The following UMAD1 variants were observed in gnomAD, a reference collection of about 807,000 sequenced individuals.
UMAD1 encodes UBAP1-MVB12-associated (UMA) domain containing 1.
A neutral mutation model predicts 6.1 loss-of-function variants in UMAD1; 8 were observed. That is an observed-to-expected ratio of 1.30 (90% CI 0.76 to 2.35). The LOEUF (loss-of-function observed/expected upper bound fraction) is 2.35, where lower values mean the gene tolerates loss of function less well. Ranked by LOEUF, UMAD1 falls within the 30% of genes most tolerant of loss-of-function variation. The pLI, the probability that UMAD1 is intolerant of heterozygous loss-of-function variation, is 0.00. For synonymous variants in UMAD1, 56 were observed against 31.4 expected, an observed-to-expected ratio of 1.78 and a Z score of -2.61; for missense variants, 130 against 78.4, an observed-to-expected ratio of 1.66 and a Z score of -2.49.
intron 3 of UMAD1, among the ~76,000 whole-genome samples, chr7:7,809,825 C>G (rs922593590): frequency 6.6e-6 from 1 of 151,996 alleles, no homozygotes; most frequent in African/African-American, 2.4e-5. Context: ...TTTCATAGAG[C>G]TATAGGAGCC....
chr7:7,748,447 C>T (rs889717599), intron 2 of UMAD1, among the ~76,000 whole-genome samples: 1 of 151,936 alleles, frequency 6.6e-6, no homozygotes, highest in Non-Finnish European at 1.5e-5. Flanking sequence ...TCTACTTCTG[C>T]CACAGAACTA....
intron 1 of UMAD1, among the ~76,000 whole-genome samples, chr7:7,663,958 T>C (rs199821414): frequency 6.6e-6 from 1 of 152,180 alleles, no homozygotes; most frequent in East Asian, 1.9e-4. Context: ...ATTAAACAAT[T>C]TTTCCTTCTA....
chr7:7,822,915 A>G (rs536549604), intron 3 of UMAD1, among the ~76,000 whole-genome samples: 104 of 151,970 alleles, frequency 6.8e-4, no homozygotes, highest in African/African-American at 2.4e-3. Context: ...GTTTAGAAAA[A>G]TTTTCATGCC....
chr7:7,712,902 A>G (rs560952561), intron 2 of UMAD1, among the ~76,000 whole-genome samples: 1 of 152,292 alleles, frequency 6.6e-6, no homozygotes, highest in South Asian at 2.1e-4. Context: ...TTTGATTTTA[A>G]TAGAATTCAC....
At chr7:7,718,362 C>A (rs976924686) in intron 2 of UMAD1, among the ~76,000 whole-genome samples, 1 of 152,056 alleles carries the variant, frequency 6.6e-6, no homozygotes. Context: ...TCTGTTCTTA[C>A]CACCATATTC....
At chr7:7,757,800 G>T (rs2115227299) in intron 2 of UMAD1, among the ~76,000 whole-genome samples, 1 of 152,280 alleles carries the variant, frequency 6.6e-6, no homozygotes, top group African/African-American at 2.4e-5. Context: ...AAAGCTCAAA[G>T]CTTTCAATGC....
At chr7:7,701,301 T>G (rs1336738080) in intron 2 of UMAD1, among the ~76,000 whole-genome samples, 2 of 152,152 alleles carry the variant, frequency 1.3e-5, no homozygotes, top group Admixed American at 6.5e-5. Context: ...AGTTAAAATT[T>G]TAAGGGGAAA....
chr7:7,796,240 C>G (rs984021029), intron 2 of UMAD1, among the ~76,000 whole-genome samples: 2 of 95,984 alleles, frequency 2.1e-5, no homozygotes, highest in African/African-American at 5.7e-5. Context: ...TTTCTATTTT[C>G]TTTCTTTTTT....
chr7:7,789,617 T>TCCC lies in UMAD1; in HGVS notation c.83-12052_83-12051insCCC, dbSNP rs201727587. On this transcript the variant is annotated intron_variant, in intron 2 of 3. Transcript: ENST00000682710. Reference sequence around the variant, plus strand: ...TGTACTCGTTAAACAAAATACCCCTTCTCCCCTCCCCACAGACCCTGGAAA... The same window carrying TCCC: ...TGTACTCGTTAAACAAAATACCCCTTCCCCTCCCCTCCCCACAGACCCTGGAAA... Among the ~76,000 whole-genome samples the TCCC allele has an allele frequency of 3.0e-4, 30 of 101,106 alleles. 1 individual carries two copies. Among genetic ancestry groups the TCCC allele is most frequent in the African/African-American group, 1.0e-3 (27 of 27,004 alleles). The allele number at this position is 101,106 out of a possible 152,430, so 66.3% of individuals were successfully genotyped here.
rs7800438 is a variant in UMAD1, at chr7:7,722,159, A to T, written c.82+48706A>T. Among the ~76,000 whole-genome samples, 298 of 125,082 alleles carry T rather than the reference A, an allele frequency of 2.4e-3. 1 individual carries two copies. The highest frequency in any genetic ancestry group is 8.5e-3 in the African/African-American group (294 of 34,420). The allele number at this position is 125,082 out of a possible 152,430, so 82.1% of individuals were successfully genotyped here. On this transcript the variant is annotated intron_variant, in intron 2 of 3. Coordinates refer to ENST00000682710, the MANE Select transcript of UMAD1 (RefSeq NM_001302348.2). ...CTTAATAAACTCTCTCTCTCTCTCT[A>T]TATATATATATGTATATATATGTAT...
chr7:7,686,197 A>G (rs916586763), intron 2 of UMAD1, among the ~76,000 whole-genome samples: 13 of 152,184 alleles, frequency 8.5e-5, no homozygotes, highest in African/African-American at 3.1e-4. Flanking sequence ...GGTGGGGCAG[A>G]TTGTGTAAAG....
intron 3 of UMAD1, among the ~76,000 whole-genome samples, chr7:7,855,128 C>G (rs1783991573): frequency 2.0e-5 from 3 of 152,240 alleles, no homozygotes; most frequent in Non-Finnish European, 4.4e-5. Context: ...CCCCTCCCAG[C>G]TGCTTTCAAG....
chr7:7,793,294 T>C (rs1240218950), intron 2 of UMAD1, among the ~76,000 whole-genome samples: 1 of 152,156 alleles, frequency 6.6e-6, no homozygotes, highest in Middle Eastern at 3.2e-3. Context: ...TGGTAGAGGA[T>C]TTGGGTAGAG....
At chr7:7,789,618 CT>C (rs199988114) in intron 2 of UMAD1, among the ~76,000 whole-genome samples, 1,912 of 108,686 alleles carry the variant, frequency 0.018, 29 homozygotes, top group Middle Eastern at 0.027. Flanking sequence ...AATACCCCTT[CT>C]CCCCTCCCCA....
chr7:7,641,629 G>A (rs1784976483), intron 1 of UMAD1: 1 of 152,212 alleles, frequency 6.6e-6, no homozygotes, highest in Non-Finnish European at 1.5e-5. Flanking sequence ...TCTGTCCCTG[G>A]CTCATCTTGT....
At chr7:7,754,833 A>C (rs906563307) in intron 2 of UMAD1, among the ~76,000 whole-genome samples, 3 of 152,188 alleles carry the variant, frequency 2.0e-5, no homozygotes, top group African/African-American at 7.2e-5. Flanking sequence ...CTGTGTATAT[A>C]CATATTTTTT....
At chr7:7,846,090 C>T (rs978652402) in intron 3 of UMAD1, among the ~76,000 whole-genome samples, 9 of 152,084 alleles carry the variant, frequency 5.9e-5, no homozygotes, top group African/African-American at 1.7e-4. Context: ...AGTAGTGCTG[C>T]GTGATGTATG....
intron 2 of UMAD1, among the ~76,000 whole-genome samples, chr7:7,762,171 C>T (rs1781903799): frequency 6.6e-6 from 1 of 152,170 alleles, no homozygotes; most frequent in Non-Finnish European, 1.5e-5. Flanking sequence ...ATCCGTTCAT[C>T]ATTGTTCAGC....
At chr7:7,675,006 T>A (rs1348679395) in intron 2 of UMAD1, among the ~76,000 whole-genome samples, 1 of 151,978 alleles carries the variant, frequency 6.6e-6, no homozygotes, top group African/African-American at 2.4e-5. Context: ...TTTTATTATA[T>A]ATGTATTTAA....
Sources: allele counts gnomAD v4.1 joint callset (sites outside exome capture counted in the v4.1 genomes callset), GRCh38; gene constraint gnomAD v4.1.1; transcripts MANE v1.5; gene names NCBI Gene and HGNC (gene_info 2026-07-23, HGNC 2026-07-21).